Variants in OTUD7B observed in about 807,000 individuals in gnomAD.
OTUD7B encodes OTU deubiquitinase 7B, also known as OTU domain-containing protein 7B.
OTUD7B carries 34 observed loss-of-function variants against 82.2 expected under a neutral mutation model. The observed-to-expected ratio is 0.41, with a 90% CI of 0.31 to 0.55. The LOEUF is 0.55. Ranked by LOEUF, OTUD7B falls within the 20% of genes least tolerant of loss-of-function variation. The pLI is 0.20. For synonymous variants in OTUD7B, 398 were observed against 402.7 expected (o/e 0.99, Z 0.14); for missense variants, 944 against 1,062.1 (o/e 0.89, Z 1.55).
intron 1 of OTUD7B, among the ~76,000 whole-genome samples, chr1:150,008,920 G>A (rs1235633366): frequency 6.6e-6 from 1 of 152,182 alleles, no homozygotes; most frequent in East Asian, 1.9e-4. Flanking sequence ...GTGCTCTGAG[G>A]CAAGCTGGGT....
chr1:149,949,201 T>TA (rs1553772783), intron 9 of OTUD7B, 118 bp from the exon 10 acceptor site: 1 of 653,884 alleles, frequency 1.5e-6, no homozygotes, highest in Non-Finnish European at 2.7e-6. Context: ...TCTCAATTCT[T>TA]ACACGTGAAT....
chr1:150,013,838 C>T (rs1653173802), upstream of OTUD7B, among the ~76,000 whole-genome samples: 1 of 147,642 alleles, frequency 6.8e-6, no homozygotes, highest in South Asian at 2.2e-4. Flanking sequence ...AGGAGAATGA[C>T]GTGAACTCGG....
chr1:150,007,586 C>T (rs1652750415), intron 1 of OTUD7B, among the ~76,000 whole-genome samples: 1 of 152,180 alleles, frequency 6.6e-6, no homozygotes. Flanking sequence ...AGACACATGT[C>T]TTTACATCTT....
intron 5 of OTUD7B, 117 bp downstream of exon 5, chr1:149,965,660 G>T: frequency 2.8e-6 from 2 of 717,216 alleles, no homozygotes; most frequent in Non-Finnish European, 4.9e-6. Context: ...GCACAATCTC[G>T]CTCTGAACCA....
At chr1:149,950,030 C>T (rs1648064827) in intron 8 of OTUD7B, 64 bp downstream of exon 8, 2 of 1,596,048 alleles carry the variant, frequency 1.3e-6, no homozygotes, top group South Asian at 2.2e-5. Flanking sequence ...CCTTCCAATG[C>T]TTAGCCTAAG....
the OTUD7B span, among the ~76,000 whole-genome samples, chr1:150,043,191 C>T: frequency 6.6e-6 from 1 of 152,076 alleles, no homozygotes; most frequent in African/African-American, 2.4e-5. Context: ...TTAACAAGCA[C>T]CCTCAAGATG....
chr1:150,000,588 C>T (rs1263767204), intron 1 of OTUD7B, among the ~76,000 whole-genome samples: 3 of 152,108 alleles, frequency 2.0e-5, no homozygotes, highest in Non-Finnish European at 2.9e-5. Context: ...CCTGTAGACA[C>T]ATCTGAAAAG....
the OTUD7B span, among the ~76,000 whole-genome samples, chr1:150,035,248 A>G: frequency 1.3e-5 from 2 of 152,078 alleles, no homozygotes; most frequent in Non-Finnish European, 2.9e-5. Context: ...GCTTCCCAAT[A>G]CTTAAATATT....
intron 6 of OTUD7B, 60 bp downstream of exon 6, chr1:149,964,162 A>G (rs1649351696): frequency 6.3e-7 from 1 of 1,590,996 alleles, no homozygotes; most frequent in Non-Finnish European, 8.5e-7. Context: ...GCAGGCACCC[A>G]GTGACTTTGG....
intron 2 of OTUD7B, among the ~76,000 whole-genome samples, chr1:149,975,894 G>A (rs1241508958): frequency 4.6e-5 from 7 of 151,990 alleles, no homozygotes; most frequent in Admixed American, 6.6e-5. Flanking sequence ...GGTGGCGCGC[G>A]TCTGTAGTCC....
At chr1:150,039,708 T>C in the OTUD7B span, among the ~76,000 whole-genome samples, 7 of 152,208 alleles carry the variant, frequency 4.6e-5, no homozygotes, top group African/African-American at 1.7e-4. Flanking sequence ...TTTCAGAAAA[T>C]ATTTATACTT....
Position 149,943,600 on chromosome 1 carries a change from A to C in OTUD7B, c.*257T>G. The C allele has an allele frequency of 2.2e-6, 1 of 451,208 alleles. No individual in the cohort carries two copies. The highest frequency in any genetic ancestry group is 4.0e-6 in the Non-Finnish European group (1 of 251,972). 28.0% of individuals were successfully genotyped at this position (451,208 alleles called of 1,614,324 possible). A position where few individuals can be genotyped will look rare whatever the true frequency, so the allele number is the denominator to read the frequency against. On this transcript the variant is annotated 3_prime_UTR_variant, in exon 12 of 12. Transcript: ENST00000581312. ...CAGGAGGTTATAAGACAGAATCGCC[A>C]TCTTTTCCCCTTGTACCTCAAACCT...
In OTUD7B at chr1:149,944,656, G is replaced by T. The variant is rs1226188376; in HGVS notation, c.1733C>A (p.Ala578Asp). 5.0e-6 allele frequency: 8 copies of T among 1,613,806 alleles called. 1 individual carries two copies. The Admixed American group carries it at 1.3e-4, about 27-fold the overall frequency. The change falls in exon 12 of 12, where the codon GCT becomes GAT. Residue 578 changes from alanine to aspartate, a missense_variant. Coordinates refer to ENST00000581312, the MANE Select transcript of OTUD7B (RefSeq NM_020205.4). The part of the protein sequence containing the change: ...GDGPVSEKPP[A>D]ESVGNGGSKY... Reference sequence around the variant, plus strand: ...GCTCCCTCCGTTACCAACAGACTCAGCTGGGGGCTTCTCAGACACAGGCCC... The same window carrying T: ...GCTCCCTCCGTTACCAACAGACTCATCTGGGGGCTTCTCAGACACAGGCCC...
At position 149,944,708 on chromosome 1, in the gene OTUD7B, C is replaced by T; in HGVS notation, c.1681G>A (p.Gly561Ser). ...TCCCCAGCTGCCTCCTCCTTGCCACCCTTCCAGCTCTTCAGTGAGTTTTTC... is the reference window on the plus strand; with the variant it reads ...TCCCCAGCTGCCTCCTCCTTGCCACTCTTCCAGCTCTTCAGTGAGTTTTTC... ...KKKNSLKSWK[G>S]GKEEAAGDGP... is the part of the protein sequence containing the mutation. Residue 561 changes from glycine to serine, a missense_variant, in exon 12 of 12, where the codon GGT (glycine) becomes AGT (serine). Gly to Ser is a moderately conservative substitution (Grantham distance 56). Coordinates refer to ENST00000581312, the MANE Select transcript of OTUD7B (RefSeq NM_020205.4). 13 of 1,613,866 alleles carry T rather than the reference C, an allele frequency of 8.1e-6. No individual in the cohort carries two copies. Among genetic ancestry groups the T allele is most frequent in the Non-Finnish European group, 1.1e-5 (13 of 1,180,024 alleles).
At chr1:150,028,379 T>A in the OTUD7B span, among the ~76,000 whole-genome samples, 777 of 152,288 alleles carry the variant, frequency 5.1e-3, 8 homozygotes, top group African/African-American at 0.018. Context: ...GAAAGAAAAA[T>A]TAAACACTTC....
chr1:150,058,001 T>C, the OTUD7B span, among the ~76,000 whole-genome samples: 3 of 152,188 alleles, frequency 2.0e-5, no homozygotes, highest in African/African-American at 7.2e-5. Flanking sequence ...AGCATAATTA[T>C]GAGCCCATTT....
In OTUD7B at chr1:149,964,341, C is replaced by G. The variant is rs1553776096; in HGVS notation, c.613G>C (p.Gly205Arg). Residue 205 changes from glycine to arginine, a missense_variant, in exon 6 of 12, where the codon GGT (glycine) becomes CGT (arginine). Physicochemically the swap from Gly to Arg is moderately radical, Grantham distance 125 (BLOSUM62 -2). Coordinates refer to ENST00000581312, the MANE Select transcript of OTUD7B (RefSeq NM_020205.4). ...LLHAASLGMWGFHDRDLMLRK... is the reference protein window; with the variant it reads ...LLHAASLGMWRFHDRDLMLRK... ...AGCATCAAGTCCCGATCATGGAAAC[C>G]CCACATTCCTGTGGCAAAAAAGCAT... 1.2e-6 allele frequency: 2 copies of G among 1,613,066 alleles called. No individual in the cohort carries two copies. The highest frequency in any genetic ancestry group is 1.7e-5 in the Admixed American group (1 of 59,730).
chr1:150,062,457 C>A, the OTUD7B span, among the ~76,000 whole-genome samples: 2 of 152,248 alleles, frequency 1.3e-5, no homozygotes, highest in East Asian at 3.9e-4. Flanking sequence ...TCATTTTCAG[C>A]GAATTCCCTT....
At chr1:150,056,405 AT>A in the OTUD7B span, among the ~76,000 whole-genome samples, 1 of 152,216 alleles carries the variant, frequency 6.6e-6, no homozygotes, top group Non-Finnish European at 1.5e-5. Context: ...CATGATAAAT[AT>A]TTTTATATTC....
Sources: gnomAD v4.1 joint callset for allele counts (sites outside exome capture counted in the v4.1 genomes callset) on GRCh38, gnomAD v4.1.1 for gene constraint, MANE v1.5 for transcripts, NCBI Gene and HGNC (gene_info 2026-07-23, HGNC 2026-07-21) for gene names.